PAX5: variants seen among roughly 807,000 people sequenced by gnomAD.
PAX5 encodes the protein paired box protein Pax-5.
A neutral mutation model predicts 43.7 loss-of-function variants in PAX5; 9 were observed. The ratio of observed to expected loss-of-function variants is 0.21; its 90% confidence interval spans 0.12 to 0.36. PAX5 has a LOEUF of 0.36. Among genes scored for constraint, PAX5 ranks in the 10% least tolerant of loss-of-function variants. The pLI, the probability that PAX5 is intolerant of heterozygous loss-of-function variation, is 1.00. For missense variants in PAX5, 383 were observed against 532.7 expected (o/e 0.72, Z 2.77); for synonymous variants, 228 against 214.3 (o/e 1.06, Z -0.56).
intron 6 of PAX5, among the ~76,000 whole-genome samples, chr9:36,935,124 G>A (rs2132030874): frequency 6.6e-6 from 1 of 152,324 alleles, no homozygotes; most frequent in South Asian, 2.1e-4. Context: ...GCTCATGCCT[G>A]TAATCCCAGC....
chr9:36,898,858 C>A (rs1828116121), intron 7 of PAX5, among the ~76,000 whole-genome samples: 1 of 152,084 alleles, frequency 6.6e-6, no homozygotes, highest in African/African-American at 2.4e-5. Flanking sequence ...CCCACTAACA[C>A]CCCTGGGGCA....
chr9:36,940,266 C>T (rs139076257), intron 6 of PAX5, among the ~76,000 whole-genome samples: 2 of 152,258 alleles, frequency 1.3e-5, no homozygotes, highest in African/African-American at 2.4e-5. Flanking sequence ...GAGGTTTAAT[C>T]GTCCAACACA....
intron 7 of PAX5, among the ~76,000 whole-genome samples, chr9:36,908,726 G>C (rs530118669): frequency 1.3e-5 from 2 of 152,328 alleles, no homozygotes; most frequent in East Asian, 3.9e-4. Flanking sequence ...GGGTGGGCTG[G>C]ATGCTGGAGG....
At chr9:36,877,212 G>A (rs199724449) in intron 8 of PAX5, among the ~76,000 whole-genome samples, 52 of 152,274 alleles carry the variant, frequency 3.4e-4, no homozygotes, top group Middle Eastern at 3.4e-3. Flanking sequence ...GCAGGTGCCC[G>A]TAGTCCCAGC....
At chr9:36,936,469 C>T (rs1464154554) in intron 6 of PAX5, among the ~76,000 whole-genome samples, 2 of 152,212 alleles carry the variant, frequency 1.3e-5, no homozygotes, top group African/African-American at 4.8e-5. Context: ...AGCTGCTCTT[C>T]CCACTACATG....
At chr9:36,917,953 C>T (rs183628117) in intron 7 of PAX5, among the ~76,000 whole-genome samples, 4 of 152,278 alleles carry the variant, frequency 2.6e-5, no homozygotes, top group African/African-American at 9.6e-5. Context: ...CAGGGAGCCA[C>T]AAACTGTGCC....
chr9:37,003,180 A>C (rs1298956195), intron 4 of PAX5, among the ~76,000 whole-genome samples: 44 of 98,162 alleles, frequency 4.5e-4, no homozygotes, highest in African/African-American at 1.5e-3. Context: ...AAAAAAAAAA[A>C]ACCTGAACTA....
rs554821959 is a variant in PAX5 at position 36,837,906 on chromosome 9, T to A, written c.*2654A>T. On this transcript the variant is annotated 3_prime_UTR_variant, in exon 10 of 10. Transcript: ENST00000358127. ...GCAGCTGGTTCAGGGGAGGCTGACC[T>A]CCTCCCAACAGCCTGGAACCACAAG... is the stretch of plus-strand genomic sequence containing the variant. The A allele has an allele frequency of 2.1e-3, 486 of 233,180 alleles. 2 individuals carry two copies. Among genetic ancestry groups the A allele is most frequent in the Non-Finnish European group, 3.4e-3 (407 of 118,042 alleles). 14.4% of individuals were successfully genotyped at this position (233,180 alleles called of 1,614,324 possible).
intron 1 of PAX5, among the ~76,000 whole-genome samples, chr9:37,033,735 T>C (rs1841239181): frequency 6.6e-6 from 1 of 152,116 alleles, no homozygotes; most frequent in Admixed American, 6.5e-5. Flanking sequence ...GGCCCTAACT[T>C]GCAGACCCCC....
At chr9:36,907,574 G>A (rs1055476182) in intron 7 of PAX5, among the ~76,000 whole-genome samples, 19 of 152,304 alleles carry the variant, frequency 1.2e-4, no homozygotes, top group African/African-American at 4.3e-4. Flanking sequence ...CCTGAGGATC[G>A]GGGCTGTTCA....
At chr9:36,942,334 C>T (rs1832119453) in intron 6 of PAX5, among the ~76,000 whole-genome samples, 1 of 152,234 alleles carries the variant, frequency 6.6e-6, no homozygotes, top group African/African-American at 2.4e-5. Flanking sequence ...GGAAAAGCAA[C>T]ACTTGGAGTT....
intron 5 of PAX5, among the ~76,000 whole-genome samples, chr9:37,001,914 G>A (rs1252978205): frequency 6.8e-6 from 1 of 147,800 alleles, no homozygotes; most frequent in Non-Finnish European, 1.5e-5. Context: ...AGTACTGGCA[G>A]CCCATACAGG....
intron 8 of PAX5, among the ~76,000 whole-genome samples, chr9:36,862,021 A>G (rs1824264207): frequency 1.3e-5 from 2 of 152,180 alleles, no homozygotes; most frequent in Non-Finnish European, 1.5e-5. Flanking sequence ...CCATGTGGCT[A>G]TGCAAGCAGA....
At position 36,984,435 on chromosome 9, in the gene PAX5, CTTTT is replaced by C. The variant is rs10663927; in HGVS notation, c.605-17715_605-17712del. Among the ~76,000 whole-genome samples the C allele has an allele frequency of 2.5e-4, 17 of 66,882 alleles. No individual in the cohort carries two copies. In the South Asian group the frequency reaches 4.9e-3, roughly 19 times the overall value. The allele number at this position is 66,882 out of a possible 152,430, so 43.9% of individuals were successfully genotyped here. ...GCCCTGGATTGGTTATTGAACCTCTCTTTTTTTTTTTTTTTTTTTTTTGAGATGG... is the reference window on the plus strand; with the variant it reads ...GCCCTGGATTGGTTATTGAACCTCTCTTTTTTTTTTTTTTTTTTGAGATGG... On this transcript the variant is annotated intron_variant, in intron 5 of 9. Transcript: ENST00000358127.
intron 8 of PAX5, among the ~76,000 whole-genome samples, chr9:36,854,927 C>T (rs1291828119): frequency 6.6e-6 from 1 of 152,242 alleles, no homozygotes; most frequent in Non-Finnish European, 1.5e-5. Context: ...GACGGCAGGC[C>T]TGGGTGAGCC....
intron 4 of PAX5, among the ~76,000 whole-genome samples, chr9:37,004,086 C>T (rs187435717): frequency 6.0e-4 from 92 of 152,348 alleles, no homozygotes; most frequent in Middle Eastern, 3.4e-3. Context: ...TAATAAACAG[C>T]GGCACCAGAA....
chr9:36,959,669 G>A (rs1422511536), intron 6 of PAX5, among the ~76,000 whole-genome samples: 6 of 152,290 alleles, frequency 3.9e-5, no homozygotes, highest in East Asian at 3.9e-4. Context: ...TCATGTGGCC[G>A]TGCTAGCACC....
At chr9:36,952,599 C>T (rs1237572569) in intron 6 of PAX5, among the ~76,000 whole-genome samples, 1 of 152,162 alleles carries the variant, frequency 6.6e-6, no homozygotes, top group East Asian at 1.9e-4. Context: ...ACGTGTCATA[C>T]AATTCCATTT....
At chr9:36,895,481 C>A (rs1422061537) in intron 7 of PAX5, among the ~76,000 whole-genome samples, 1 of 152,240 alleles carries the variant, frequency 6.6e-6, no homozygotes, top group Non-Finnish European at 1.5e-5. Context: ...ATTAAAATTA[C>A]TAGTTGTTCT....
Sources: allele counts gnomAD v4.1 joint callset (sites outside exome capture counted in the v4.1 genomes callset), GRCh38; gene constraint gnomAD v4.1.1; transcripts MANE v1.5; gene names NCBI Gene and HGNC (gene_info 2026-07-23, HGNC 2026-07-21).